The following KIAA1549L variants were observed in gnomAD, a reference collection of about 807,000 sequenced individuals.
KIAA1549L encodes the protein KIAA1549 like, also known as UPF0606 protein KIAA1549L.
A neutral mutation model predicts 160.7 loss-of-function variants in KIAA1549L; 88 were observed. The observed-to-expected ratio is 0.55, with a 90% CI of 0.46 to 0.65. The LOEUF (loss-of-function observed/expected upper bound fraction) is 0.65, where lower values mean the gene tolerates loss of function less well. Ranked by LOEUF, KIAA1549L falls within the 30% of genes least tolerant of loss-of-function variation. The pLI is 0.00. For missense variants in KIAA1549L, 2,258 were observed against 2,437.5 expected, an observed-to-expected ratio of 0.93 and a Z score of 1.55; for synonymous variants, 950 against 976.7, an observed-to-expected ratio of 0.97 and a Z score of 0.51.
intron 1 of KIAA1549L, among the ~76,000 whole-genome samples, chr11:33,484,165 G>A (rs1410864794): frequency 6.6e-6 from 1 of 152,146 alleles, no homozygotes; most frequent in Non-Finnish European, 1.5e-5. Context: ...TTCGGGGACA[G>A]CTGGTGGATC....
intron 13 of KIAA1549L, among the ~76,000 whole-genome samples, chr11:33,600,053 A>G (rs978776762): frequency 2.6e-5 from 4 of 152,184 alleles, no homozygotes; most frequent in African/African-American, 9.7e-5. Flanking sequence ...AAATAACGAC[A>G]CATGGATTTG....
At chr11:33,651,614 C>T (rs1851888384) in intron 17 of KIAA1549L, among the ~76,000 whole-genome samples, 1 of 152,154 alleles carries the variant, frequency 6.6e-6, no homozygotes, top group South Asian at 2.1e-4. Flanking sequence ...CCTCCAACCA[C>T]AGGCTGTCCC....
intron 1 of KIAA1549L, among the ~76,000 whole-genome samples, chr11:33,533,790 TGA>T (rs1262347021): frequency 6.6e-6 from 1 of 152,254 alleles, no homozygotes; most frequent in Non-Finnish European, 1.5e-5. Context: ...TTTATTATTT[TGA>T]GAGTCTTTAT....
At position 33,551,186 on chromosome 11, in the gene KIAA1549L, A is replaced by G. The variant is rs1204093113; in HGVS notation, c.3648A>G (p.Pro1216=). The G allele has an allele frequency of 1.2e-6, 2 of 1,613,990 alleles. No individual in the cohort carries two copies. ...CTGCAGACCTGAAGCAACACACCCC[A>G]CACTTACAGTCTGTGGCAGTACTTG... ...NVTADLKQHT[P]HLQSVAVLAS... The change falls in exon 5 of 21, where the codon CCA becomes CCG. Residue 1216 remains proline (P), a synonymous_variant. Transcript: ENST00000658780.
intron 1 of KIAA1549L, among the ~76,000 whole-genome samples, chr11:33,520,684 A>AACACACACACACACACAC (rs60029190): frequency 6.1e-4 from 52 of 84,796 alleles, no homozygotes; most frequent in Admixed American, 3.4e-3. Flanking sequence ...CCCCACCCCC[A>AACACACACACACACACAC]ACACACACAC....
At chr11:33,468,498 A>G (rs1852108023) in intron 1 of KIAA1549L, among the ~76,000 whole-genome samples, 1 of 152,258 alleles carries the variant, frequency 6.6e-6, no homozygotes, top group Non-Finnish European at 1.5e-5. Flanking sequence ...GTCATTTCTG[A>G]GCCAGGACAC....
At chr11:33,546,721 C>G (rs1327119206) in intron 3 of KIAA1549L, among the ~76,000 whole-genome samples, 1 of 152,124 alleles carries the variant, frequency 6.6e-6, no homozygotes, top group Non-Finnish European at 1.5e-5. Context: ...ATACAGTAGT[C>G]CCCTCTTATC....
At chr11:33,456,323 A>T (rs1250798372) in intron 1 of KIAA1549L, among the ~76,000 whole-genome samples, 1 of 152,154 alleles carries the variant, frequency 6.6e-6, no homozygotes, top group African/African-American at 2.4e-5. Flanking sequence ...AAGGTAATTT[A>T]TACCTGTGAG....
At chr11:33,427,216 C>G (rs1183354141) in intron 1 of KIAA1549L, among the ~76,000 whole-genome samples, 1 of 151,394 alleles carries the variant, frequency 6.6e-6, no homozygotes, top group Non-Finnish European at 1.5e-5. Context: ...CCTTCTCTTC[C>G]TCACAAAATC....
chr11:33,430,021 T>TCCTTCCTTCCTTCCTTCCTC, intron 1 of KIAA1549L, among the ~76,000 whole-genome samples: 1 of 101,016 alleles, frequency 9.9e-6, no homozygotes, highest in Non-Finnish European at 2.0e-5. Context: ...CTTCCTTCCT[T>TCCTTCCTTCCTTCCTTCCTC]CCTTCCTTCC....
chr11:33,557,847 A>G (rs545182597), intron 6 of KIAA1549L, among the ~76,000 whole-genome samples: 2 of 152,274 alleles, frequency 1.3e-5, no homozygotes, highest in South Asian at 4.1e-4. Context: ...CAATAAGGTC[A>G]CTGCACTTCA....
intron 20 of KIAA1549L, among the ~76,000 whole-genome samples, chr11:33,666,530 G>T (rs1411359777): frequency 2.6e-5 from 4 of 152,090 alleles, no homozygotes; most frequent in African/African-American, 9.7e-5. Flanking sequence ...TTGTCTGTGG[G>T]TGCTTATTCT....
intron 18 of KIAA1549L, 48 bp from the exon 19 acceptor site, chr11:33,658,702 C>A: frequency 6.5e-7 from 1 of 1,549,436 alleles, no homozygotes; most frequent in Non-Finnish European, 8.7e-7. Flanking sequence ...CTCGGGACGC[C>A]GCCTGAGGTC....
intron 10 of KIAA1549L, among the ~76,000 whole-genome samples, chr11:33,575,157 T>G (rs1333968334): frequency 6.6e-6 from 1 of 152,236 alleles, no homozygotes; most frequent in Non-Finnish European, 1.5e-5. Flanking sequence ...ATAGCTGAGA[T>G]TATTTTTGTA....
intron 1 of KIAA1549L, among the ~76,000 whole-genome samples, chr11:33,432,606 A>G (rs773445331): frequency 3.9e-5 from 6 of 152,230 alleles, no homozygotes; most frequent in Non-Finnish European, 7.3e-5. Flanking sequence ...ACTGAAGACA[A>G]AAATATGGGC....
intron 1 of KIAA1549L, among the ~76,000 whole-genome samples, chr11:33,476,573 A>G (rs1178654529): frequency 7.2e-5 from 11 of 152,176 alleles, no homozygotes; most frequent in African/African-American, 2.4e-4. Flanking sequence ...GCCTACTGGC[A>G]CCTACCTGTC....
At position 33,559,924 on chromosome 11, in the gene KIAA1549L, A is replaced by G; in HGVS notation, c.4018+13A>G. ...ACCATTGCTGAACGTGAGTATGGCC[A>G]TGCCTATGGGGACCCCAGTGTTTCC... On this transcript the variant is annotated intron_variant, in intron 7 of 20. Transcript: ENST00000658780. The G allele has an allele frequency of 1.2e-6, 2 of 1,611,726 alleles. No homozygotes were observed. The highest frequency in any genetic ancestry group is 2.2e-5 in the East Asian group (1 of 44,806).
intron 14 of KIAA1549L, among the ~76,000 whole-genome samples, chr11:33,607,692 T>C (rs913236376): frequency 6.6e-6 from 1 of 152,142 alleles, no homozygotes; most frequent in Non-Finnish European, 1.5e-5. Context: ...ATTTCCAAAG[T>C]TTTAGTCTTT....
intron 14 of KIAA1549L, 60 bp downstream of exon 14, chr11:33,606,882 A>G (rs1850521059): frequency 1.4e-6 from 2 of 1,406,290 alleles, no homozygotes; most frequent in South Asian, 2.7e-5. Context: ...AATTCGGACG[A>G]AGGAACAACA....
Sources: allele counts gnomAD v4.1 joint callset (sites outside exome capture counted in the v4.1 genomes callset), GRCh38; gene constraint gnomAD v4.1.1; transcripts MANE v1.5; gene names NCBI Gene and HGNC (gene_info 2026-07-23, HGNC 2026-07-21).